XRCC1: variants seen among roughly 807,000 people sequenced by gnomAD.
XRCC1 encodes DNA repair protein XRCC1.
In XRCC1, 52 loss-of-function variants were observed where a neutral mutation model predicts 83.3. That is an observed-to-expected ratio of 0.62 (90% CI 0.50 to 0.79). The LOEUF (loss-of-function observed/expected upper bound fraction) is 0.79, where lower values mean the gene tolerates loss of function less well. Among genes scored for constraint, XRCC1 ranks in the 30% least tolerant of loss-of-function variants. The pLI is 0.00. For synonymous variants in XRCC1, 281 were observed against 312.6 expected (o/e 0.90, Z 1.07); for missense variants, 793 against 823.5 (o/e 0.96, Z 0.45).
chr19:43,556,267 T>C (rs751479050), intron 3 of XRCC1, among the ~76,000 whole-genome samples: 10 of 151,730 alleles, frequency 6.6e-5, no homozygotes, highest in Non-Finnish European at 1.0e-4. Flanking sequence ...CAAGGGAGAG[T>C]GGCATCTCAG....
At chr19:43,566,351 G>C (rs1972752712) in intron 2 of XRCC1, among the ~76,000 whole-genome samples, 1 of 151,766 alleles carries the variant, frequency 6.6e-6, no homozygotes, top group African/African-American at 2.4e-5. Context: ...TGGCCAAGAG[G>C]GTGAAACCCC....
At chr19:43,575,342 C>T in intron 1 of XRCC1, 66 bp downstream of exon 1, 2 of 1,499,240 alleles carry the variant, frequency 1.3e-6, no homozygotes, top group East Asian at 2.3e-5. Flanking sequence ...ACCCCAAAAG[C>T]TCTTTTAAGA....
intron 10 of XRCC1, among the ~76,000 whole-genome samples, 155 bp downstream of exon 10, chr19:43,551,416 T>C (rs1357178802): frequency 6.6e-6 from 1 of 152,104 alleles, no homozygotes; most frequent in African/African-American, 2.4e-5. Flanking sequence ...TCATCTGGAG[T>C]ACCCCAGCCC....
At chr19:43,565,732 T>C (rs1018250682) in intron 2 of XRCC1, among the ~76,000 whole-genome samples, 1 of 152,190 alleles carries the variant, frequency 6.6e-6, no homozygotes, top group African/African-American at 2.4e-5. Flanking sequence ...GGCCAGGAGT[T>C]CGAGACCAGC....
At chr19:43,560,254 G>T (rs559244168) in intron 3 of XRCC1, among the ~76,000 whole-genome samples, 1 of 151,936 alleles carries the variant, frequency 6.6e-6, no homozygotes, top group Admixed American at 6.6e-5. Context: ...AAGTTAGCCG[G>T]GCGTGGTGGT....
At position 43,554,810 on chromosome 19, in the gene XRCC1, T is replaced by A. The variant is rs374268358; in HGVS notation, c.256-6A>T. On this transcript the variant is annotated splice_region_variant and splice_polypyrimidine_tract_variant and intron_variant, in intron 3 of 16. Transcript: ENST00000262887. ...GATGAGGTGACCAGAAGGACCTGGG[T>A]GGGAGAAGCCACAGTGCATGAGAAC... 7 of 1,608,764 alleles carry A rather than the reference T, an allele frequency of 4.4e-6. No homozygotes were observed. The highest frequency in any genetic ancestry group is 6.0e-6 in the Non-Finnish European group (7 of 1,176,242).
At chr19:43,565,052 G>A (rs911308342) in intron 2 of XRCC1, among the ~76,000 whole-genome samples, 2 of 152,084 alleles carry the variant, frequency 1.3e-5, no homozygotes, top group African/African-American at 4.8e-5. Flanking sequence ...TCACAGCTCT[G>A]GTTCCAGCTC....
intron 2 of XRCC1, among the ~76,000 whole-genome samples, chr19:43,573,846 C>T (rs1229417662): frequency 2.6e-5 from 4 of 152,122 alleles, no homozygotes; most frequent in Non-Finnish European, 4.4e-5. Flanking sequence ...TGCCACTGCA[C>T]TACAGCCTGG....
intron 4 of XRCC1, 133 bp from the exon 5 acceptor site, chr19:43,553,816 T>A: frequency 1.5e-6 from 1 of 681,044 alleles, no homozygotes; most frequent in South Asian, 2.3e-5. Flanking sequence ...GGAGGGGCCC[T>A]GGCGATGGTG....
Position 43,552,149 on chromosome 19 carries a change from C to T in XRCC1, c.950G>A (p.Gly317Glu). 1.2e-6 allele frequency: 2 copies of T among 1,614,114 alleles called. No homozygotes were observed. Among genetic ancestry groups the T allele is most frequent in the Non-Finnish European group, 1.7e-6 (2 of 1,179,992 alleles). The change falls in exon 9 of 17, where the codon GGG (glycine) becomes GAG (glutamate). Residue 317 changes from glycine to glutamate, a missense_variant. Transcript: ENST00000262887. ...RRPRAGPEEL[G>E]KILQGVVVVL... ...CACTACCACACCCTGAAGGATCTTC[C>T]CCAGCTCCTCTGGGCCAGCTCGGGG... is the stretch of plus-strand genomic sequence containing the variant.
At chr19:43,575,073 T>C in intron 1 of XRCC1, 71 bp from the exon 2 acceptor site, 1 of 1,268,690 alleles carries the variant, frequency 7.9e-7, no homozygotes, top group South Asian at 1.2e-5. Context: ...CTCAGATGAT[T>C]CCTTTGAGTC....
chr19:43,547,012 CA>C (rs1478639242), intron 10 of XRCC1, 35 bp from the exon 11 acceptor site: 1 of 1,604,892 alleles, frequency 6.2e-7, no homozygotes, highest in Middle Eastern at 1.7e-4. Flanking sequence ...CAAACAGGCC[CA>C]AGGGAAGTGG....
chr19:43,554,083 T>C (rs1324907624), intron 4 of XRCC1, among the ~76,000 whole-genome samples: 1 of 152,202 alleles, frequency 6.6e-6, no homozygotes, highest in African/African-American at 2.4e-5. Context: ...TCTGGGTCCC[T>C]GCACGACCTC....
At chr19:43,555,800 C>A (rs928899709) in intron 3 of XRCC1, among the ~76,000 whole-genome samples, 40 of 152,148 alleles carry the variant, frequency 2.6e-4, no homozygotes, top group African/African-American at 7.2e-5. Flanking sequence ...TTTTAATCTC[C>A]GGGCAAGGAC....
rs547824352 is a variant in XRCC1, at chr19:43,573,096, C to G, written c.144+1814G>C. 5.3e-5 allele frequency among the ~76,000 whole-genome samples: 8 copies of G among 152,078 alleles called. No individual in the cohort carries two copies. The East Asian group carries it at 1.5e-3, about 29-fold the overall frequency. The stretch of plus-strand genomic sequence containing the variant: ...TACAGGCATACGCCACCAAGCCCAG[C>G]TATTTTTTATAATTTTTCGTAGAGA... On this transcript the variant is annotated intron_variant, in intron 2 of 16. Transcript: ENST00000262887.
At position 43,554,845 on chromosome 19, in the gene XRCC1, T is replaced by G. The variant is rs780273633; in HGVS notation, c.256-41A>C. On this transcript the variant is annotated intron_variant, in intron 3 of 16. Transcript: ENST00000262887. ...CACAGTGCATGAGAACCAGGGCAGG[T>G]TGGCTTAGATGAGAGCTTCTAGGGG... The G allele has an allele frequency of 3.1e-6, 5 of 1,588,376 alleles. No homozygotes were observed. The African/African-American group carries it at 4.0e-5, about 13-fold the overall frequency.
chr19:43,560,970 T>C lies in XRCC1; in HGVS notation c.195A>G (p.Ser65=). The change falls in exon 3 of 17, where the codon TCA becomes TCG. Residue 65 remains serine, a synonymous_variant. Transcript: ENST00000262887. ...TGCCCACCAGCACCTCCACGAAAGC[T>C]GAGCCATCATTCCCAATGTCCACAC... ...IHSVDIGNDG[S]AFVEVLVGSS... 4 of 1,614,220 alleles carry C rather than the reference T, an allele frequency of 2.5e-6. 1 individual carries two copies. In the South Asian group the frequency reaches 3.3e-5, roughly 13 times the overall value.
chr19:43,546,175 T>C, intron 12 of XRCC1, 69 bp from the exon 13 acceptor site: 4 of 1,572,394 alleles, frequency 2.5e-6, no homozygotes, highest in Non-Finnish European at 3.5e-6. Flanking sequence ...TCTCCCAGTA[T>C]GGCACAGACC....
rs2307181 is a variant in XRCC1, at chr19:43,544,170, G to C, written c.1686C>G (p.Leu562=). Residue 562 remains leucine (L), a synonymous_variant, in exon 15 of 17, where the codon CTC becomes CTG. Coordinates refer to ENST00000262887, the MANE Select transcript of XRCC1 (RefSeq NM_006297.3). ...CATTGAAGGCTGTGACGTATCGGAT[G>C]AGTTTCCGCCGCTCGTCCCCAGGGA... ...GEFPGDERRK[L]IRYVTAFNGE... is the part of the protein sequence containing the mutation. 6.0e-5 allele frequency: 97 copies of C among 1,610,416 alleles called. No individual in the cohort carries two copies. In the African/African-American group the frequency reaches 1.1e-3, roughly 19 times the overall value.
Sources: gnomAD v4.1 joint callset for allele counts (sites outside exome capture counted in the v4.1 genomes callset) on GRCh38, gnomAD v4.1.1 for gene constraint, MANE v1.5 for transcripts, NCBI Gene and HGNC (gene_info 2026-07-23, HGNC 2026-07-21) for gene names.